The following DGLUCY variants were observed in gnomAD, a reference collection of about 807,000 sequenced individuals.
The protein encoded by DGLUCY is D-glutamate cyclase, also known as D-glutamate cyclase, mitochondrial.
In DGLUCY, 58 loss-of-function variants were observed where a neutral mutation model predicts 58.5. That is an observed-to-expected ratio of 0.99 (90% CI 0.80 to 1.23). The LOEUF is 1.23. Among genes scored for constraint, DGLUCY ranks in the 50% most tolerant of loss-of-function variants. The pLI, the probability that DGLUCY is intolerant of heterozygous loss-of-function variation, is 0.00. For missense variants in DGLUCY, 779 were observed against 784.7 expected (o/e 0.99, Z 0.09); for synonymous variants, 325 against 314.1 (o/e 1.03, Z -0.37).
In DGLUCY at chr14:91,203,109, T is replaced by C. The variant is rs1595909393; in HGVS notation, c.1445-1597T>C. On this transcript the variant is annotated intron_variant, in intron 11 of 13. Transcript: ENST00000256324. Reference sequence around the variant, plus strand: ...TGCCAGCTCTATACAGTGAGGATCATGATACCCATGACAGGATGGATGTGA... The same window carrying C: ...TGCCAGCTCTATACAGTGAGGATCACGATACCCATGACAGGATGGATGTGA... 5.3e-5 allele frequency among the ~76,000 whole-genome samples: 8 copies of C among 152,310 alleles called. No individual in the cohort carries two copies. The South Asian group carries it at 1.7e-3, about 32-fold the overall frequency.
intron 1 of DGLUCY, among the ~76,000 whole-genome samples, chr14:91,079,001 T>C (rs576473844): frequency 6.6e-6 from 1 of 152,004 alleles, no homozygotes; most frequent in Non-Finnish European, 1.5e-5. Context: ...CCTCCAGGAT[T>C]CAAGCGATTC....
Position 91,225,019 on chromosome 14 carries a change from A to C in DGLUCY, c.*186A>C. ...GGGTTAGTGCAGGTGCTGTGGACAA[A>C]GGACAACATTTCTCTGGGGCTTTTT... On this transcript the variant is annotated 3_prime_UTR_variant, in exon 14 of 14. Coordinates refer to ENST00000256324, the MANE Select transcript of DGLUCY (RefSeq NM_001102368.3). 1 of 533,840 alleles carries C rather than the reference A, an allele frequency of 1.9e-6. No individual in the cohort carries two copies. Among genetic ancestry groups the C allele is most frequent in the Non-Finnish European group, 3.0e-6 (1 of 328,148 alleles). 33.1% of individuals were successfully genotyped at this position (533,840 alleles called of 1,614,324 possible).
intron 12 of DGLUCY, among the ~76,000 whole-genome samples, chr14:91,213,605 T>C (rs1315680103): frequency 6.6e-6 from 1 of 152,144 alleles, no homozygotes; most frequent in East Asian, 1.9e-4. Context: ...TAGAATACAG[T>C]ATTATTTTTA....
intron 7 of DGLUCY, among the ~76,000 whole-genome samples, chr14:91,180,645 A>C (rs1231882635): frequency 1.3e-5 from 2 of 152,192 alleles, no homozygotes; most frequent in African/African-American, 4.8e-5. Context: ...TGCTAAAACC[A>C]GTTCTTAATA....
rs1020555052 is a variant in DGLUCY, at chr14:91,169,865, A to G, written c.258-138A>G. 5.6e-5 allele frequency: 47 copies of G among 833,690 alleles called. No individual in the cohort carries two copies. In the African/African-American group the frequency reaches 7.5e-4, roughly 13 times the overall value. 51.6% of individuals were successfully genotyped at this position (833,690 alleles called of 1,614,324 possible). Reference sequence around the variant, plus strand: ...CCAGCAAGGCCCCCTGCTGAAAACTATGCTCCCTACCCTGGTGCCAGGGCT... The same window carrying G: ...CCAGCAAGGCCCCCTGCTGAAAACTGTGCTCCCTACCCTGGTGCCAGGGCT... On this transcript the variant is annotated intron_variant, in intron 4 of 13. Coordinates refer to ENST00000256324, the MANE Select transcript of DGLUCY (RefSeq NM_001102368.3).
intron 12 of DGLUCY, among the ~76,000 whole-genome samples, chr14:91,209,036 A>T (rs193202102): frequency 2.0e-5 from 3 of 152,186 alleles, no homozygotes; most frequent in African/African-American, 7.2e-5. Context: ...AAATGGGGCC[A>T]GGCGCAGTGG....
intron 1 of DGLUCY, among the ~76,000 whole-genome samples, chr14:91,093,194 G>A (rs545526866): frequency 6.6e-6 from 1 of 152,052 alleles, no homozygotes; most frequent in African/African-American, 2.4e-5. Flanking sequence ...CTATAATGAT[G>A]ATATAATAAT....
At chr14:91,091,559 G>A (rs572323770) in intron 1 of DGLUCY, among the ~76,000 whole-genome samples, 13 of 152,186 alleles carry the variant, frequency 8.5e-5, no homozygotes, top group Non-Finnish European at 1.6e-4. Context: ...AAAAACTTCT[G>A]TCCATTTGTC....
At chr14:91,217,483 CTT>C (rs11306803) in intron 13 of DGLUCY, among the ~76,000 whole-genome samples, 210 of 123,096 alleles carry the variant, frequency 1.7e-3, no homozygotes, top group East Asian at 6.0e-3. Context: ...CCTTTTCTGT[CTT>C]TTTTTTTTTT....
intron 9 of DGLUCY, among the ~76,000 whole-genome samples, chr14:91,196,172 G>A (rs564721502): frequency 2.6e-5 from 4 of 152,132 alleles, no homozygotes; most frequent in South Asian, 2.1e-4. Flanking sequence ...CTCCACCCCC[G>A]TCAACCCTAG....
upstream of DGLUCY, among the ~76,000 whole-genome samples, chr14:91,104,243 T>C: frequency 6.6e-6 from 1 of 151,632 alleles, no homozygotes; most frequent in East Asian, 1.9e-4. Flanking sequence ...TTTGTATTTT[T>C]AGTAGAGACG....
Position 91,137,543 on chromosome 14 carries a change from G to A in DGLUCY, c.-81-20096G>A, listed in dbSNP as rs1262080457. Among the ~76,000 whole-genome samples, 8 of 147,712 alleles carry A rather than the reference G, an allele frequency of 5.4e-5. No homozygotes were observed. In the East Asian group the frequency reaches 7.8e-4, roughly 14 times the overall value. ...TGGGACTACAGGCGTGCGCCACCAC[G>A]CCTGGCTAATTTTTTTTTTTTTTTT... On this transcript the variant is annotated intron_variant, in intron 1 of 13. Coordinates refer to ENST00000256324, the MANE Select transcript of DGLUCY (RefSeq NM_001102368.3).
intron 1 of DGLUCY, among the ~76,000 whole-genome samples, chr14:91,130,554 CCTT>C (rs1342794399): frequency 6.6e-6 from 1 of 152,114 alleles, no homozygotes; most frequent in Non-Finnish European, 1.5e-5. Context: ...GATCCGCCCT[CCTT>C]GGCCTCCCAA....
At chr14:91,109,650 A>G (rs1350642499), upstream of DGLUCY, among the ~76,000 whole-genome samples, 2 of 152,068 alleles carry the variant, frequency 1.3e-5, no homozygotes, top group East Asian at 1.9e-4. Flanking sequence ...CCTTATCACT[A>G]TGTGCTCACA....
At chr14:91,064,622 CAAAAAAA>C (rs35830145) in intron 1 of DGLUCY, among the ~76,000 whole-genome samples, 15 of 57,618 alleles carry the variant, frequency 2.6e-4, no homozygotes, top group Non-Finnish European at 4.6e-4. Context: ...GACTCTGTCT[CAAAAAAA>C]AAAAAAAAAA....
intron 6 of DGLUCY, chr14:91,173,736 T>A: frequency 3.4e-6 from 1 of 294,276 alleles, no homozygotes; most frequent in East Asian, 6.5e-5. Context: ...GGCTTACAGA[T>A]GCCCCTCAGG....
chr14:91,178,197 C>T (rs540577737), intron 7 of DGLUCY, among the ~76,000 whole-genome samples: 4 of 151,738 alleles, frequency 2.6e-5, no homozygotes, highest in South Asian at 2.1e-4. Flanking sequence ...GACAAGGTCT[C>T]GCTCTGTCAC....
intron 1 of DGLUCY, among the ~76,000 whole-genome samples, chr14:91,134,132 AT>A (rs569026280): frequency 3.4e-4 from 51 of 152,106 alleles, no homozygotes; most frequent in Admixed American, 3.1e-3. Context: ...GCGATTTGTT[AT>A]TTTTTGGCCC....
intron 1 of DGLUCY, among the ~76,000 whole-genome samples, chr14:91,102,306 G>A (rs962897665): frequency 3.3e-5 from 5 of 152,126 alleles, no homozygotes; most frequent in Non-Finnish European, 7.4e-5. Flanking sequence ...TTCTCTGTGA[G>A]GCGATGGATG....
Sources: gnomAD v4.1 joint callset for allele counts (sites outside exome capture counted in the v4.1 genomes callset) on GRCh38, gnomAD v4.1.1 for gene constraint, MANE v1.5 for transcripts, NCBI Gene and HGNC (gene_info 2026-07-23, HGNC 2026-07-21) for gene names.